GPHN: variants seen among roughly 807,000 people sequenced by gnomAD.
GPHN encodes the protein gephyrin.
GPHN carries 17 observed loss-of-function variants against 95.5 expected under a neutral mutation model. That is an observed-to-expected ratio of 0.18 (90% CI 0.12 to 0.27). The LOEUF (loss-of-function observed/expected upper bound fraction) is 0.27, where lower values mean the gene tolerates loss of function less well. Among genes scored for constraint, GPHN ranks in the 10% least tolerant of loss-of-function variants. GPHN has a pLI of 1.00. For missense variants in GPHN, 660 were observed against 978.1 expected (o/e 0.67, Z 4.34); for synonymous variants, 320 against 322.5 (o/e 0.99, Z 0.08).
chr14:67,042,770 G>C (rs972994964), intron 10 of GPHN, among the ~76,000 whole-genome samples: 2 of 152,218 alleles, frequency 1.3e-5, no homozygotes, highest in African/African-American at 4.8e-5. Context: ...TGTGAAGAAA[G>C]TCAATGGTAG....
chr14:66,768,801 AG>A (rs2153456864), intron 2 of GPHN, among the ~76,000 whole-genome samples: 1 of 152,146 alleles, frequency 6.6e-6, no homozygotes, highest in East Asian at 1.9e-4. Flanking sequence ...GGTAGAATAT[AG>A]GAGTTTATTT....
the GPHN span, among the ~76,000 whole-genome samples, chr14:67,351,781 A>G: frequency 6.6e-6 from 1 of 152,038 alleles, no homozygotes; most frequent in African/African-American, 2.4e-5. Flanking sequence ...TCGGCCTCCC[A>G]AAGTGTTGGG....
rs8005965 is a variant in GPHN at position 66,577,385 on chromosome 14, A to G, written c.64+68794A>G. On this transcript the variant is annotated intron_variant, in intron 1 of 22. Coordinates refer to ENST00000478722, the MANE Select transcript of GPHN (RefSeq NM_020806.5). ...AACCATAAGAAATTCAACTCATTCT[A>G]TAGTTTTTGTGTGCTTTCTACCACA... is the stretch of plus-strand genomic sequence containing the variant. Among the ~76,000 whole-genome samples, 1,308 of 152,268 alleles carry G rather than the reference A, an allele frequency of 8.6e-3. 15 individuals are homozygous for G. Among genetic ancestry groups the G allele is most frequent in the African/African-American group, 0.03 (1,234 of 41,556 alleles).
the GPHN span, chr14:67,685,105 A>C: frequency 5.6e-6 from 9 of 1,614,122 alleles, no homozygotes; most frequent in African/African-American, 1.1e-4. Context: ...CTTGATGAAA[A>C]AGGAGAAAAG....
Position 67,159,419 on chromosome 14 carries a change from A to G in GPHN, c.1841A>G (p.Tyr614Cys). Reference protein sequence around the residue: ...SGGVSMGEKDYLKQVLDIDLH... With the variant: ...SGGVSMGEKDCLKQVLDIDLH... ...GATTATTTTTAATGTTTGCAGGACT[A>G]TCTCAAGCAGGTGCTGGACATTGAT... The change falls in exon 19 of 23, where the codon TAT becomes TGT. Residue 614 changes from tyrosine (Y) to cysteine (C), a missense_variant. This residue lies in a region of GPHN where 257 missense variants were observed against 376.2 expected (regional missense o/e 0.68). Coordinates refer to ENST00000478722, the MANE Select transcript of GPHN (RefSeq NM_020806.5). 1.9e-6 allele frequency: 3 copies of G among 1,585,970 alleles called. No homozygotes were observed. The highest frequency in any genetic ancestry group is 2.2e-5 in the East Asian group (1 of 44,698).
At chr14:67,692,996 A>G in the GPHN span, 17 of 1,614,194 alleles carry the variant, frequency 1.1e-5, no homozygotes, top group Middle Eastern at 1.6e-4. Flanking sequence ...TGTGACCACA[A>G]CTACTTTCCC....
the GPHN span, among the ~76,000 whole-genome samples, chr14:67,321,860 G>T: frequency 1.3e-5 from 2 of 152,092 alleles, no homozygotes; most frequent in African/African-American, 4.8e-5. Flanking sequence ...TATAGTATTG[G>T]TAGTACTTTA....
chr14:67,149,540 G>C (rs1467809346), intron 18 of GPHN, among the ~76,000 whole-genome samples: 1 of 152,044 alleles, frequency 6.6e-6, no homozygotes, highest in Non-Finnish European at 1.5e-5. Context: ...AAGGGGTCTT[G>C]AGACCAAAAA....
At chr14:67,628,373 C>T in the GPHN span, among the ~76,000 whole-genome samples, 1 of 152,194 alleles carries the variant, frequency 6.6e-6, no homozygotes, top group African/African-American at 2.4e-5. Flanking sequence ...TACAGATGTG[C>T]ACCACTGTGC....
chr14:66,831,003 TGTAA>T (rs1481265410), intron 4 of GPHN, among the ~76,000 whole-genome samples: 1 of 152,076 alleles, frequency 6.6e-6, no homozygotes, highest in Non-Finnish European at 1.5e-5. Context: ...TTTCTTATAT[TGTAA>T]TGCTTCAAAA....
chr14:67,596,387 C>T, the GPHN span, among the ~76,000 whole-genome samples: 2 of 147,188 alleles, frequency 1.4e-5, 1 homozygote, highest in East Asian at 4.1e-4. Flanking sequence ...GCAATCCACC[C>T]GCCTCAGCCT....
At chr14:67,298,708 G>A in the GPHN span, among the ~76,000 whole-genome samples, 1 of 152,062 alleles carries the variant, frequency 6.6e-6, no homozygotes, top group Non-Finnish European at 1.5e-5. Context: ...GTGTTTTATT[G>A]TATAGTTCAG....
At chr14:66,918,988 T>A (rs542812702) in intron 6 of GPHN, among the ~76,000 whole-genome samples, 1 of 152,216 alleles carries the variant, frequency 6.6e-6, no homozygotes, top group African/African-American at 2.4e-5. Context: ...CCACCTCTTC[T>A]GCAGCTATAG....
chr14:66,598,998 C>T (rs145490935), intron 1 of GPHN, among the ~76,000 whole-genome samples: 278 of 152,162 alleles, frequency 1.8e-3, no homozygotes, highest in African/African-American at 6.5e-3. Flanking sequence ...GCATAAGAAG[C>T]TTTTGAGTCA....
In GPHN at chr14:66,567,375, C is replaced by T. The variant is rs73279793; in HGVS notation, c.64+58784C>T. Among the ~76,000 whole-genome samples, 327 of 152,288 alleles carry T rather than the reference C, an allele frequency of 2.1e-3. 1 individual carries two copies. Among genetic ancestry groups the T allele is most frequent in the African/African-American group, 7.4e-3 (307 of 41,568 alleles). On this transcript the variant is annotated intron_variant, in intron 1 of 22. Coordinates refer to ENST00000478722, the MANE Select transcript of GPHN (RefSeq NM_020806.5). Reference sequence around the variant, plus strand: ...CTATTTAATACTGAATTACTTTCATCTGAAGTCTTCCAGGGGCCTGATCAT... The same window carrying T: ...CTATTTAATACTGAATTACTTTCATTTGAAGTCTTCCAGGGGCCTGATCAT...
At chr14:67,615,625 A>AG in the GPHN span, 1 of 554,232 alleles carries the variant, frequency 1.8e-6, no homozygotes, top group Non-Finnish European at 3.5e-6. Context: ...GTGCTTAGTG[A>AG]GGGGGAAGAC....
Position 66,709,264 on chromosome 14 carries a change from G to T in GPHN, c.143+28079G>T, listed in dbSNP as rs1176987517. The T allele has an allele frequency of 1.8e-5, 8 of 450,730 alleles. No individual in the cohort carries two copies. In the East Asian group the frequency reaches 4.2e-4, roughly 24 times the overall value. The allele number at this position is 450,730 out of a possible 1,614,324, so 27.9% of individuals were successfully genotyped here. The stretch of plus-strand genomic sequence containing the variant: ...AAACATAAAATAGCACTATTAAACA[G>T]GATTAGAACTCTGTATTAGATTGAA... On this transcript the variant is annotated intron_variant, in intron 2 of 22. Coordinates refer to ENST00000478722, the MANE Select transcript of GPHN (RefSeq NM_020806.5).
At chr14:67,719,983 G>C in the GPHN span, among the ~76,000 whole-genome samples, 1 of 152,204 alleles carries the variant, frequency 6.6e-6, no homozygotes, top group African/African-American at 2.4e-5. Flanking sequence ...ATGAGTGCAT[G>C]CACAGCTTTA....
the GPHN span, among the ~76,000 whole-genome samples, chr14:67,250,729 G>C: frequency 6.6e-6 from 1 of 152,172 alleles, no homozygotes; most frequent in East Asian, 1.9e-4. Flanking sequence ...TTGCATAAGG[G>C]TAATCAGTAC....
Sources: gnomAD v4.1 joint callset for allele counts (sites outside exome capture counted in the v4.1 genomes callset) on GRCh38, gnomAD v4.1.1 for gene constraint, gnomAD v4.1.1 regional missense constraint, MANE v1.5 for transcripts, NCBI Gene and HGNC (gene_info 2026-07-23, HGNC 2026-07-21) for gene names.